The following GAPVD1 variants were observed in gnomAD, a reference collection of about 807,000 sequenced individuals.
GAPVD1 encodes the protein GTPase activating protein and VPS9 domains 1.
A neutral mutation model predicts 155.5 loss-of-function variants in GAPVD1; 35 were observed. That is an observed-to-expected ratio of 0.23 (90% CI 0.17 to 0.30). The LOEUF (loss-of-function observed/expected upper bound fraction) is 0.30. Ranked by LOEUF, GAPVD1 falls within the 10% of genes least tolerant of loss-of-function variation. The probability of loss-of-function intolerance (pLI) is 1.00; values close to 1 mark genes in which losing one functional copy is unlikely to be tolerated. For missense variants in GAPVD1, 1,429 were observed against 1,775.7 expected, an observed-to-expected ratio of 0.80 and a Z score of 3.51; for synonymous variants, 636 against 619.7, an observed-to-expected ratio of 1.03 and a Z score of -0.39.
intron 2 of GAPVD1, among the ~76,000 whole-genome samples, chr9:125,285,771 G>GT (rs1334095233): frequency 6.6e-6 from 1 of 151,212 alleles, no homozygotes; most frequent in African/African-American, 2.4e-5. Flanking sequence ...CATCTGTTTC[G>GT]TTTTTATAGA....
chr9:125,319,553 G>C (rs150402247), intron 9 of GAPVD1, among the ~76,000 whole-genome samples: 1 of 144,314 alleles, frequency 6.9e-6, no homozygotes, highest in East Asian at 2.0e-4. Flanking sequence ...TGTGTGCCAC[G>C]ACGCCTGGCC....
intron 15 of GAPVD1, among the ~76,000 whole-genome samples, chr9:125,335,615 T>C (rs1377591949): frequency 1.3e-5 from 2 of 151,966 alleles, no homozygotes; most frequent in Non-Finnish European, 2.9e-5. Context: ...AGGTGGAGGT[T>C]GCAGTGAGCT....
intron 1 of GAPVD1, among the ~76,000 whole-genome samples, chr9:125,267,636 T>TG (rs965881524): frequency 6.6e-5 from 10 of 152,108 alleles, no homozygotes; most frequent in South Asian, 2.1e-4. Flanking sequence ...CTTGAACTCC[T>TG]GACCTCAGGT....
chr9:125,334,805 A>G (rs57224920), intron 15 of GAPVD1, among the ~76,000 whole-genome samples: 3,256 of 152,004 alleles, frequency 0.021, 119 homozygotes, highest in African/African-American at 0.075. Context: ...TTTAAAAAAA[A>G]AAAAATTAAC....
intron 2 of GAPVD1, among the ~76,000 whole-genome samples, chr9:125,270,482 A>C (rs1384336669): frequency 6.6e-6 from 1 of 152,100 alleles, no homozygotes; most frequent in Non-Finnish European, 1.5e-5. Context: ...TATATTTTCT[A>C]ACTTTTCTGG....
intron 2 of GAPVD1, among the ~76,000 whole-genome samples, chr9:125,291,699 T>G (rs1338170890): frequency 6.6e-6 from 1 of 151,762 alleles, no homozygotes; most frequent in African/African-American, 2.4e-5. Flanking sequence ...GGAAGAGTGG[T>G]GTGAAAGTGG....
At chr9:125,332,406 G>A in intron 14 of GAPVD1, 104 bp from the exon 15 acceptor site, 1 of 889,846 alleles carries the variant, frequency 1.1e-6, no homozygotes, top group African/African-American at 1.7e-5. Context: ...TATAGAACTG[G>A]GACACAAAAT....
At chr9:125,275,603 G>T (rs1478186470) in intron 2 of GAPVD1, among the ~76,000 whole-genome samples, 1 of 152,068 alleles carries the variant, frequency 6.6e-6, no homozygotes, top group Non-Finnish European at 1.5e-5. Context: ...ACAAGAGTTA[G>T]TTGGGCATGG....
At chr9:125,304,168 TCTGCCTCACCCTC>T (rs1350920645) in intron 5 of GAPVD1, 1 of 152,214 alleles carries the variant, frequency 6.6e-6, no homozygotes, top group Admixed American at 6.6e-5. Flanking sequence ...AAGTGACCCT[TCTGCCTCACCCTC>T]CTGAGTAGCT....
chr9:125,326,633 T>G (rs557128661), intron 12 of GAPVD1, 44 bp downstream of exon 12: 1 of 1,399,220 alleles, frequency 7.1e-7, no homozygotes, highest in African/African-American at 1.4e-5. Flanking sequence ...GTTTAGTTAT[T>G]CAAATCCACC....
chr9:125,286,186 T>C (rs1439211344), intron 2 of GAPVD1, among the ~76,000 whole-genome samples: 2 of 152,148 alleles, frequency 1.3e-5, no homozygotes, highest in Non-Finnish European at 2.9e-5. Context: ...CAATTATAGC[T>C]CACTGCAACG....
At chr9:125,314,385 G>A (rs1034997600) in intron 9 of GAPVD1, among the ~76,000 whole-genome samples, 5 of 152,142 alleles carry the variant, frequency 3.3e-5, no homozygotes, top group African/African-American at 1.2e-4. Flanking sequence ...GTCAGGCCTG[G>A]TGGCTCACAC....
At chr9:125,326,213 C>G (rs1211996911) in intron 11 of GAPVD1, among the ~76,000 whole-genome samples, 1 of 152,120 alleles carries the variant, frequency 6.6e-6, no homozygotes, top group Non-Finnish European at 1.5e-5. Context: ...ATGCAAAATG[C>G]TAGATTAAGA....
chr9:125,331,468 T>C (rs971272927), intron 13 of GAPVD1, among the ~76,000 whole-genome samples: 4 of 152,338 alleles, frequency 2.6e-5, no homozygotes, highest in African/African-American at 7.2e-5. Context: ...CCCAAAGTGC[T>C]GGGATTACAG....
chr9:125,296,609 C>T (rs1209612980), intron 3 of GAPVD1, among the ~76,000 whole-genome samples: 1 of 151,310 alleles, frequency 6.6e-6, no homozygotes, highest in African/African-American at 2.4e-5. Flanking sequence ...TTGCCTTGGC[C>T]TCCCAAAGTG....
At chr9:125,284,531 C>T (rs915046845) in intron 2 of GAPVD1, among the ~76,000 whole-genome samples, 3 of 151,396 alleles carry the variant, frequency 2.0e-5, no homozygotes, top group Admixed American at 2.0e-4. Context: ...AGGCTGTTCT[C>T]GAACTCCTGG....
At chr9:125,271,493 C>T (rs1055960118) in intron 2 of GAPVD1, among the ~76,000 whole-genome samples, 2 of 152,066 alleles carry the variant, frequency 1.3e-5, no homozygotes, top group East Asian at 1.9e-4. Context: ...GTAGTAATAT[C>T]CTGCCAATCT....
At position 125,364,012 on chromosome 9, in the gene GAPVD1, A is replaced by G. The variant is rs888670669; in HGVS notation, c.*1266A>G. 3 of 152,748 alleles carry G rather than the reference A, an allele frequency of 2.0e-5. No homozygotes were observed. Among genetic ancestry groups the G allele is most frequent in the South Asian group, 2.1e-4 (1 of 4,828 alleles). 9.5% of individuals were successfully genotyped at this position (152,748 alleles called of 1,614,324 possible). ...CAAGCACAAGTCTTGTACATGGGCC[A>G]TCACTGTCTGGTTTCACTTCGTGTG... On this transcript the variant is annotated 3_prime_UTR_variant, in exon 28 of 28. Transcript: ENST00000297933.
At chr9:125,358,466 T>C (rs1354370169) in intron 25 of GAPVD1, among the ~76,000 whole-genome samples, 1 of 152,182 alleles carries the variant, frequency 6.6e-6, no homozygotes, top group African/African-American at 2.4e-5. Context: ...ATGTTAAAGT[T>C]GTTACCATGC....
Sources: gnomAD v4.1 joint callset for allele counts (sites outside exome capture counted in the v4.1 genomes callset) on GRCh38, gnomAD v4.1.1 for gene constraint, MANE v1.5 for transcripts, NCBI Gene and HGNC (gene_info 2026-07-23, HGNC 2026-07-21) for gene names.